The following NPSR1 variants were observed in gnomAD, a reference collection of about 807,000 sequenced individuals.
The protein encoded by NPSR1 is neuropeptide S receptor 1.
In NPSR1, 48 loss-of-function variants were observed where a neutral mutation model predicts 46.9. That is an observed-to-expected ratio of 1.02 (90% CI 0.81 to 1.30). The LOEUF is 1.30. NPSR1 is among the 50% of genes most tolerant of loss of function. The probability of loss-of-function intolerance (pLI) is 0.00; values close to 1 mark genes in which losing one functional copy is unlikely to be tolerated. For synonymous variants in NPSR1, 176 were observed against 168.1 expected (o/e 1.05, Z -0.36); for missense variants, 450 against 449.5 (o/e 1.00, Z -0.01).
chr7:34,730,912 C>A (rs1784388988), intron 2 of NPSR1, among the ~76,000 whole-genome samples: 1 of 151,964 alleles, frequency 6.6e-6, no homozygotes, highest in Non-Finnish European at 1.5e-5. Flanking sequence ...AAACATTCAC[C>A]AAAGGAAGTA....
At chr7:34,723,479 C>A (rs922777448) in intron 2 of NPSR1, 1 of 152,076 alleles carries the variant, frequency 6.6e-6, no homozygotes, top group East Asian at 1.9e-4. Context: ...AGCATCCTTT[C>A]TGTGCAGGAG....
chr7:34,682,609 C>T (rs942394892), intron 1 of NPSR1, among the ~76,000 whole-genome samples: 3 of 152,172 alleles, frequency 2.0e-5, no homozygotes, highest in African/African-American at 7.2e-5. Context: ...ACTGCTGGCA[C>T]ACCACCTGAA....
chr7:34,739,361 T>C (rs907508771), intron 2 of NPSR1, among the ~76,000 whole-genome samples: 12 of 152,370 alleles, frequency 7.9e-5, no homozygotes, highest in African/African-American at 2.6e-4. Context: ...TCATCAGCAA[T>C]GTACAAGAGT....
At chr7:34,680,583 G>A (rs142936846) in intron 1 of NPSR1, among the ~76,000 whole-genome samples, 4 of 152,214 alleles carry the variant, frequency 2.6e-5, no homozygotes, top group African/African-American at 9.6e-5. Flanking sequence ...CTATAGCATT[G>A]TTTCTGATAG....
intron 8 of NPSR1, among the ~76,000 whole-genome samples, chr7:34,877,525 T>C (rs1360347089): frequency 3.3e-5 from 5 of 152,134 alleles, no homozygotes; most frequent in Non-Finnish European, 5.9e-5. Flanking sequence ...TCAGAAAAGC[T>C]GGACGGAGCA....
rs989012105 is a variant in NPSR1 at position 34,827,468 on chromosome 7, G to C, written c.546G>C (p.Leu182=). The C allele has an allele frequency of 1.2e-6, 2 of 1,614,086 alleles. No homozygotes were observed. The highest frequency in any genetic ancestry group is 3.3e-5 in the Admixed American group (2 of 60,026). The change falls in exon 5 of 9, where the codon CTG becomes CTC. Residue 182 remains leucine, a synonymous_variant. Coordinates refer to ENST00000360581, the MANE Select transcript of NPSR1 (RefSeq NM_207172.2). ...SLSFLFSIPT[L]IIFGKRTLSN... ...CTTTTCTGTTCTCCATTCCCACCCT[G>C]ATCATATTTGGGAAGAGGACACTGT...
rs538423509 is a variant in NPSR1 at position 34,787,668 on chromosome 7, G to A, written c.384+9103G>A. ...CTTGAACACCTAAAGACAATTTCAG[G>A]GCTATTTATTGGCTTAATTTCAATA... is the stretch of plus-strand genomic sequence containing the variant. On this transcript the variant is annotated intron_variant, in intron 3 of 8. Transcript: ENST00000360581. Among the ~76,000 whole-genome samples, 5 of 152,134 alleles carry A rather than the reference G, an allele frequency of 3.3e-5. No homozygotes were observed. The South Asian group carries it at 6.2e-4, about 19-fold the overall frequency.
intron 1 of NPSR1, among the ~76,000 whole-genome samples, chr7:34,660,981 CAAGCTCCTTGAGTAAAATGAA>C (rs1791427401): frequency 6.6e-6 from 1 of 152,190 alleles, no homozygotes; most frequent in Non-Finnish European, 1.5e-5. Context: ...TTACAGTCCT[CAAGCTCCTTGAGTAAAATGAA>C]TGCCTTATAT....
At chr7:34,668,138 A>G (rs1348180462) in intron 1 of NPSR1, among the ~76,000 whole-genome samples, 1 of 152,172 alleles carries the variant, frequency 6.6e-6, no homozygotes, top group African/African-American at 2.4e-5. Context: ...ATCAGACCCA[A>G]GATATCCCCA....
At chr7:34,688,911 G>A (rs1463314662) in intron 2 of NPSR1, among the ~76,000 whole-genome samples, 1 of 152,164 alleles carries the variant, frequency 6.6e-6, no homozygotes, top group Non-Finnish European at 1.5e-5. Flanking sequence ...CATATTTCCA[G>A]GCATTTGAAG....
At position 34,827,386 on chromosome 7, in the gene NPSR1, C is replaced by A. The variant is rs377627714; in HGVS notation, c.479-15C>A. On this transcript the variant is annotated splice_polypyrimidine_tract_variant and intron_variant, in intron 4 of 8. Coordinates refer to ENST00000360581, the MANE Select transcript of NPSR1 (RefSeq NM_207172.2). ...TTGCCACATACCCAGACATTCCTCTCTTTTCTTTGGGCAGAAAAGCAAGCC... is the reference window on the plus strand; with the variant it reads ...TTGCCACATACCCAGACATTCCTCTATTTTCTTTGGGCAGAAAAGCAAGCC... 11 of 1,613,446 alleles carry A rather than the reference C, an allele frequency of 6.8e-6. No individual in the cohort carries two copies. The highest frequency in any genetic ancestry group is 8.5e-6 in the Non-Finnish European group (10 of 1,179,560).
At chr7:34,853,499 C>A (rs139924503), downstream of NPSR1, among the ~76,000 whole-genome samples, 378 of 152,292 alleles carry the variant, frequency 2.5e-3, 3 homozygotes, top group Non-Finnish European at 4.3e-3. Flanking sequence ...TCTGCAATTG[C>A]ATTTTAAGAA....
chr7:34,787,150 A>C (rs954354850), intron 3 of NPSR1, among the ~76,000 whole-genome samples: 17 of 152,168 alleles, frequency 1.1e-4, no homozygotes, highest in African/African-American at 4.1e-4. Context: ...AGCCACCTTC[A>C]TCAGTTATCT....
intron 2 of NPSR1, among the ~76,000 whole-genome samples, chr7:34,690,105 A>G (rs960750840): frequency 3.9e-5 from 6 of 152,120 alleles, no homozygotes; most frequent in African/African-American, 1.4e-4. Flanking sequence ...TACAACCAGC[A>G]TTTGGGAAAG....
chr7:34,784,594 T>C (rs1787375332), intron 3 of NPSR1, among the ~76,000 whole-genome samples: 1 of 152,216 alleles, frequency 6.6e-6, no homozygotes, highest in Admixed American at 6.5e-5. Context: ...GCCAGTATTT[T>C]ATTGAGGATT....
intron 3 of NPSR1, among the ~76,000 whole-genome samples, chr7:34,807,328 CTTA>C (rs1788747692): frequency 6.6e-6 from 1 of 151,632 alleles, no homozygotes; most frequent in Non-Finnish European, 1.5e-5. Flanking sequence ...GTGTACTATT[CTTA>C]TGTTATGAAG....
chr7:34,844,754 A>C, intron 6 of NPSR1, 142 bp from the exon 7 acceptor site: 1 of 648,494 alleles, frequency 1.5e-6, no homozygotes, highest in Non-Finnish European at 2.8e-6. Flanking sequence ...TAATCTAAAA[A>C]TTTCCAAGGA....
chr7:34,704,843 G>A (rs1794019770), intron 2 of NPSR1, among the ~76,000 whole-genome samples: 1 of 152,222 alleles, frequency 6.6e-6, no homozygotes, highest in South Asian at 2.1e-4. Context: ...AGAAGCAAGG[G>A]AAACAATTAA....
chr7:34,712,826 C>T (rs1488405762), intron 2 of NPSR1, among the ~76,000 whole-genome samples: 1 of 152,204 alleles, frequency 6.6e-6, no homozygotes, highest in Non-Finnish European at 1.5e-5. Context: ...AGTTTCCTTT[C>T]TTCTGTAATT....
Sources: allele counts gnomAD v4.1 joint callset (sites outside exome capture counted in the v4.1 genomes callset), GRCh38; gene constraint gnomAD v4.1.1; transcripts MANE v1.5; gene names NCBI Gene and HGNC (gene_info 2026-07-23, HGNC 2026-07-21).